Variants in LYPLAL1 observed in about 807,000 individuals in gnomAD.
The protein encoded by LYPLAL1 is lysophospholipase like 1.
A neutral mutation model predicts 19.7 loss-of-function variants in LYPLAL1; 23 were observed. That is an observed-to-expected ratio of 1.17 (90% CI 0.84 to 1.65). LYPLAL1 has a LOEUF of 1.65. Among genes scored for constraint, LYPLAL1 ranks in the 40% most tolerant of loss-of-function variants. LYPLAL1 has a pLI of 0.00. For synonymous variants in LYPLAL1, 119 were observed against 96.3 expected (o/e 1.24, Z -1.38); for missense variants, 355 against 279.4 (o/e 1.27, Z -1.93).
chr1:219,335,247 T>C, the LYPLAL1 span, among the ~76,000 whole-genome samples: 1 of 151,972 alleles, frequency 6.6e-6, no homozygotes, highest in Admixed American at 6.6e-5. Flanking sequence ...TATCCCCTCC[T>C]GTTCACACTC....
At chr1:219,355,653 A>G in the LYPLAL1 span, among the ~76,000 whole-genome samples, 2 of 152,166 alleles carry the variant, frequency 1.3e-5, no homozygotes, top group African/African-American at 2.4e-5. Flanking sequence ...AACTTTATAC[A>G]TGAAATCGCA....
chr1:219,217,408 G>GT (rs58718037), downstream of LYPLAL1, among the ~76,000 whole-genome samples: 1 of 50,532 alleles, frequency 2.0e-5, no homozygotes. Flanking sequence ...GTGTGTGTGT[G>GT]AGAGATGGTT....
chr1:219,210,226 TTAAG>T (rs1658899188), intron 3 of LYPLAL1: 1 of 169,970 alleles, frequency 5.9e-6, no homozygotes, highest in Admixed American at 6.1e-5. Context: ...TATTGAGAAT[TTAAG>T]TAATGCTTGT....
At chr1:219,383,964 G>C in the LYPLAL1 span, among the ~76,000 whole-genome samples, 11 of 152,070 alleles carry the variant, frequency 7.2e-5, no homozygotes, top group Admixed American at 2.0e-4. Flanking sequence ...AAGTAAAAAG[G>C]CTTCTTGGGA....
At chr1:219,249,679 C>G in the LYPLAL1 span, among the ~76,000 whole-genome samples, 1 of 151,982 alleles carries the variant, frequency 6.6e-6, no homozygotes, top group Non-Finnish European at 1.5e-5. Context: ...GTACTAGTTG[C>G]TTCATATTGT....
chr1:219,295,448 T>C, the LYPLAL1 span, among the ~76,000 whole-genome samples: 236 of 152,294 alleles, frequency 1.5e-3, 1 homozygote, highest in Non-Finnish European at 2.9e-3. Flanking sequence ...AAGAGAGATA[T>C]AAGACAAATT....
At chr1:219,200,952 C>T (rs1451706724) in intron 3 of LYPLAL1, among the ~76,000 whole-genome samples, 3 of 152,306 alleles carry the variant, frequency 2.0e-5, no homozygotes. Context: ...TTGAATCTAA[C>T]TTTATTTCAT....
the LYPLAL1 span, among the ~76,000 whole-genome samples, chr1:219,218,226 G>A: frequency 3.9e-5 from 6 of 151,978 alleles, no homozygotes; most frequent in Admixed American, 3.9e-4. Flanking sequence ...TTGAGCATGT[G>A]TAGTACTTTG....
At chr1:219,288,262 A>G in the LYPLAL1 span, among the ~76,000 whole-genome samples, 1 of 152,220 alleles carries the variant, frequency 6.6e-6, no homozygotes, top group East Asian at 1.9e-4. Flanking sequence ...TGGTATGTTC[A>G]GACAATGCAA....
chr1:219,439,976 T>TATATATACAC, the LYPLAL1 span, among the ~76,000 whole-genome samples: 3 of 59,792 alleles, frequency 5.0e-5, no homozygotes, highest in African/African-American at 2.3e-4. Context: ...TATATATACA[T>TATATATACAC]ATATATATAT....
chr1:219,370,316 C>A, the LYPLAL1 span, among the ~76,000 whole-genome samples: 6 of 152,184 alleles, frequency 3.9e-5, no homozygotes, highest in African/African-American at 9.7e-5. Flanking sequence ...TGAATATTGA[C>A]CCTCTTCACC....
At chr1:219,244,086 G>C in the LYPLAL1 span, among the ~76,000 whole-genome samples, 1 of 152,020 alleles carries the variant, frequency 6.6e-6, no homozygotes. Context: ...ACCATAATCA[G>C]AAAACTATCG....
chr1:219,292,064 T>C, the LYPLAL1 span, among the ~76,000 whole-genome samples: 1 of 152,150 alleles, frequency 6.6e-6, no homozygotes, highest in Non-Finnish European at 1.5e-5. Flanking sequence ...GCCCACACAA[T>C]AGAAATGAAC....
At chr1:219,185,927 A>C (rs557667459) in intron 2 of LYPLAL1, among the ~76,000 whole-genome samples, 1 of 152,044 alleles carries the variant, frequency 6.6e-6, no homozygotes, top group African/African-American at 2.4e-5. Flanking sequence ...ACTGCTTAGA[A>C]TCAAGCAGAG....
the LYPLAL1 span, among the ~76,000 whole-genome samples, chr1:219,292,670 A>C: frequency 6.6e-6 from 1 of 152,174 alleles, no homozygotes; most frequent in Non-Finnish European, 1.5e-5. Context: ...CATCTTTAGG[A>C]TATTCACTGA....
chr1:219,173,967 T>G lies in LYPLAL1; in HGVS notation c.77T>G (p.Phe26Cys). 6.2e-7 allele frequency: 1 copy of G among 1,614,112 alleles called. No individual in the cohort carries two copies. Among genetic ancestry groups the G allele is most frequent in the South Asian group, 1.1e-5 (1 of 91,086 alleles). The change falls in exon 1 of 5, where the codon TTC becomes TGC. Residue 26 changes from phenylalanine to cysteine, a missense_variant. Coordinates refer to ENST00000366928, the MANE Select transcript of LYPLAL1 (RefSeq NM_138794.5). ...GGGAGGCATAGCGCCTCTCTGATCT[T>G]CCTGCATGGCTCAGGTGGATTTCAA... ...PAGRHSASLI[F>C]LHGSGDSGQG... is the part of the protein sequence containing the mutation.
the LYPLAL1 span, among the ~76,000 whole-genome samples, chr1:219,372,139 A>G: frequency 6.6e-6 from 1 of 152,188 alleles, no homozygotes; most frequent in Non-Finnish European, 1.5e-5. Context: ...TTTCAATAAA[A>G]TCTGAAAACA....
the LYPLAL1 span, among the ~76,000 whole-genome samples, chr1:219,354,661 A>C: frequency 1.3e-5 from 2 of 152,240 alleles, no homozygotes; most frequent in East Asian, 3.8e-4. Flanking sequence ...AAAACAACGC[A>C]TTATGTACTG....
the LYPLAL1 span, among the ~76,000 whole-genome samples, chr1:219,444,432 C>T: frequency 6.6e-6 from 1 of 152,150 alleles, no homozygotes; most frequent in Non-Finnish European, 1.5e-5. Flanking sequence ...TATTTACCTC[C>T]CTCCCTTGTC....
Sources: gnomAD v4.1 joint callset for allele counts (sites outside exome capture counted in the v4.1 genomes callset) on GRCh38, gnomAD v4.1.1 for gene constraint, MANE v1.5 for transcripts, NCBI Gene and HGNC (gene_info 2026-07-23, HGNC 2026-07-21) for gene names.